Variants in IFT88 observed in about 807,000 individuals in gnomAD.
IFT88 encodes the protein intraflagellar transport 88, also known as intraflagellar transport protein 88 homolog.
Under a neutral mutation model 119.5 loss-of-function variants are expected in IFT88, and 74 were observed. The observed-to-expected ratio is 0.62, with a 90% CI of 0.51 to 0.75. The LOEUF is 0.75. Among genes scored for constraint, IFT88 ranks in the 30% least tolerant of loss-of-function variants. IFT88 has a pLI of 0.00. For missense variants in IFT88, 961 were observed against 977.7 expected, an observed-to-expected ratio of 0.98 and a Z score of 0.23; for synonymous variants, 279 against 316.7, an observed-to-expected ratio of 0.88 and a Z score of 1.26.
chr13:20,663,479 T>C lies in IFT88; in HGVS notation c.2069-19T>C, dbSNP rs1304616139. The stretch of plus-strand genomic sequence containing the variant: ...TACTGTGCCTATATTCTTTCCTAAA[T>C]GTATATTTTACAATTTAGGTCTGCG... On this transcript the variant is annotated intron_variant, in intron 22 of 25. Coordinates refer to ENST00000351808, the MANE Select transcript of IFT88 (RefSeq NM_006531.5). The C allele has an allele frequency of 6.2e-7, 1 of 1,609,808 alleles. No homozygotes were observed.
intron 23 of IFT88, among the ~76,000 whole-genome samples, chr13:20,665,953 G>A (rs959390667): frequency 6.6e-6 from 1 of 152,216 alleles, no homozygotes; most frequent in Admixed American, 6.5e-5. Context: ...TTAAGGCCAC[G>A]TTTATGGGTC....
chr13:20,567,627 C>A, intron 1 of IFT88: 1 of 566,270 alleles, frequency 1.8e-6, no homozygotes, highest in Non-Finnish European at 2.3e-6. Flanking sequence ...TCTGGAATCG[C>A]ACAGCAGAGA....
chr13:20,614,146 A>T (rs1191856711), intron 13 of IFT88, among the ~76,000 whole-genome samples: 1 of 152,194 alleles, frequency 6.6e-6, no homozygotes, highest in Non-Finnish European at 1.5e-5. Context: ...ATTCAGAAAT[A>T]TGTTTTTAAA....
intron 2 of IFT88, among the ~76,000 whole-genome samples, chr13:20,577,161 G>C (rs1016443984): frequency 4.6e-5 from 7 of 152,104 alleles, no homozygotes; most frequent in African/African-American, 1.7e-4. Context: ...TTATTTTCCA[G>C]ATTGTTCACT....
intron 14 of IFT88, among the ~76,000 whole-genome samples, chr13:20,624,818 A>G (rs1413691947): frequency 6.6e-6 from 1 of 152,214 alleles, no homozygotes; most frequent in Non-Finnish European, 1.5e-5. Flanking sequence ...TATGGTATAC[A>G]AAATGATGTT....
At chr13:20,611,092 AAAT>A (rs1050897637) in intron 13 of IFT88, among the ~76,000 whole-genome samples, 2 of 151,642 alleles carry the variant, frequency 1.3e-5, no homozygotes, top group Admixed American at 6.6e-5. Flanking sequence ...ACCCCATCTC[AAAT>A]AATAATAATA....
chr13:20,635,745 G>A (rs1242309011), intron 16 of IFT88, among the ~76,000 whole-genome samples: 1 of 152,078 alleles, frequency 6.6e-6, no homozygotes, highest in Non-Finnish European at 1.5e-5. Flanking sequence ...GCAAGGGAAG[G>A]GAGAGCATTA....
At chr13:20,659,125 C>T (rs897946528) in intron 22 of IFT88, among the ~76,000 whole-genome samples, 1 of 152,134 alleles carries the variant, frequency 6.6e-6, no homozygotes, top group Non-Finnish European at 1.5e-5. Flanking sequence ...CAAAAATTGA[C>T]CTGCTTTACA....
chr13:20,627,038 AG>A (rs1408530982), intron 15 of IFT88, among the ~76,000 whole-genome samples: 1 of 152,212 alleles, frequency 6.6e-6, no homozygotes, highest in East Asian at 1.9e-4. Flanking sequence ...TATCTACTAA[AG>A]AATATGAGAG....
chr13:20,594,120 A>G (rs2041221708), intron 7 of IFT88, among the ~76,000 whole-genome samples: 2 of 152,090 alleles, frequency 1.3e-5, no homozygotes, highest in Admixed American at 1.3e-4. Flanking sequence ...CTCACATAAT[A>G]GGAAGTCTGG....
At chr13:20,625,069 T>C (rs935425042) in intron 14 of IFT88, among the ~76,000 whole-genome samples, 6 of 152,186 alleles carry the variant, frequency 3.9e-5, no homozygotes, top group Non-Finnish European at 7.3e-5. Context: ...TCTTCTGTTA[T>C]TGAAGTAAGA....
intron 15 of IFT88, among the ~76,000 whole-genome samples, chr13:20,629,181 G>A (rs2047809832): frequency 6.6e-6 from 1 of 152,130 alleles, no homozygotes; most frequent in African/African-American, 2.4e-5. Flanking sequence ...TTATGACACA[G>A]TCTAAAAGTG....
At chr13:20,619,510 A>G (rs1299340092) in intron 14 of IFT88, among the ~76,000 whole-genome samples, 3 of 151,804 alleles carry the variant, frequency 2.0e-5, no homozygotes, top group Non-Finnish European at 2.9e-5. Flanking sequence ...GACTTCTTTT[A>G]CTCTGTGTTT....
chr13:20,616,063 T>G (rs1383544633), intron 14 of IFT88, among the ~76,000 whole-genome samples, 184 bp downstream of exon 14: 1 of 152,254 alleles, frequency 6.6e-6, no homozygotes, highest in African/African-American at 2.4e-5. Flanking sequence ...AGATACTTAT[T>G]ACTCATGTTA....
intron 7 of IFT88, among the ~76,000 whole-genome samples, chr13:20,595,137 G>A (rs1040414066): frequency 5.3e-5 from 8 of 152,132 alleles, no homozygotes; most frequent in Admixed American, 2.0e-4. Context: ...GGTGGTGCAC[G>A]CCTATAGTGT....
chr13:20,625,155 C>G (rs79998628), intron 14 of IFT88, among the ~76,000 whole-genome samples: 1,790 of 152,242 alleles, frequency 0.012, 37 homozygotes, highest in African/African-American at 0.041. Flanking sequence ...TTGGTATCAA[C>G]AAGAATTGGG....
chr13:20,689,660 T>G (rs1594969609), intron 24 of IFT88, among the ~76,000 whole-genome samples: 1 of 152,216 alleles, frequency 6.6e-6, no homozygotes, highest in Non-Finnish European at 1.5e-5. Flanking sequence ...CACATACTCA[T>G]TCATCTTTTA....
At chr13:20,617,950 T>C (rs2045898911) in intron 14 of IFT88, among the ~76,000 whole-genome samples, 1 of 152,042 alleles carries the variant, frequency 6.6e-6, no homozygotes, top group South Asian at 2.1e-4. Context: ...GGCGTCACCA[T>C]AATTTTTGTA....
intron 24 of IFT88, among the ~76,000 whole-genome samples, chr13:20,675,510 A>T (rs2056551869): frequency 6.6e-6 from 1 of 152,262 alleles, no homozygotes; most frequent in South Asian, 2.1e-4. Flanking sequence ...TGCCTATGCC[A>T]GTATACCCAG....
Sources: gnomAD v4.1 joint callset for allele counts (sites outside exome capture counted in the v4.1 genomes callset) on GRCh38, gnomAD v4.1.1 for gene constraint, MANE v1.5 for transcripts, NCBI Gene and HGNC (gene_info 2026-07-23, HGNC 2026-07-21) for gene names.